The following PRELID2 variants were observed in gnomAD, a reference collection of about 807,000 sequenced individuals.
PRELID2 encodes the protein PRELI domain containing 2.
In PRELID2, 25 loss-of-function variants were observed where a neutral mutation model predicts 28.4. The observed-to-expected ratio is 0.88, with a 90% CI of 0.64 to 1.23. The LOEUF (loss-of-function observed/expected upper bound fraction) is 1.23. Among genes scored for constraint, PRELID2 ranks in the 50% most tolerant of loss-of-function variants. PRELID2 has a pLI of 0.00. For synonymous variants in PRELID2, 76 were observed against 71.6 expected, an observed-to-expected ratio of 1.06 and a Z score of -0.31; for missense variants, 201 against 214.4, an observed-to-expected ratio of 0.94 and a Z score of 0.39.
intron 5 of PRELID2, among the ~76,000 whole-genome samples, chr5:145,792,100 G>A (rs899864589): frequency 6.6e-6 from 1 of 151,882 alleles, no homozygotes; most frequent in South Asian, 2.1e-4. Context: ...GTATCACATC[G>A]CCTCACTCTG....
chr5:145,603,936 C>CTAGAA (rs1753455826), intron 1 of PRELID2, among the ~76,000 whole-genome samples: 4 of 151,622 alleles, frequency 2.6e-5, no homozygotes, highest in Non-Finnish European at 5.9e-5. Flanking sequence ...ATAGAATAGT[C>CTAGAA]AATCTAGAAA....
chr5:145,695,362 G>A (rs2149698558), intron 1 of PRELID2, among the ~76,000 whole-genome samples: 1 of 152,366 alleles, frequency 6.6e-6, no homozygotes, highest in East Asian at 1.9e-4. Flanking sequence ...AAGCCCTGAA[G>A]GAGGCCTGAA....
chr5:145,570,919 T>C (rs1401125631), intron 1 of PRELID2, among the ~76,000 whole-genome samples: 1 of 152,204 alleles, frequency 6.6e-6, no homozygotes, highest in East Asian at 1.9e-4. Flanking sequence ...GCTGGTCCAT[T>C]ACCACTCTTC....
chr5:145,549,503 G>T (rs116326400), intron 1 of PRELID2, among the ~76,000 whole-genome samples: 227 of 152,194 alleles, frequency 1.5e-3, no homozygotes, highest in African/African-American at 5.4e-3. Flanking sequence ...TACATGCCAG[G>T]TGCAGTGGCA....
At chr5:145,521,210 C>T (rs1018982987) in intron 1 of PRELID2, among the ~76,000 whole-genome samples, 7 of 152,074 alleles carry the variant, frequency 4.6e-5, no homozygotes, top group South Asian at 2.1e-4. Context: ...TTAAATGTTC[C>T]GACCATTTAT....
chr5:145,568,664 G>A (rs1752989563), intron 1 of PRELID2, among the ~76,000 whole-genome samples: 2 of 152,180 alleles, frequency 1.3e-5, no homozygotes, highest in African/African-American at 4.8e-5. Flanking sequence ...GTTTGCTATT[G>A]CACTTTTAGG....
chr5:145,561,264 A>C (rs1297281021), intron 1 of PRELID2, among the ~76,000 whole-genome samples: 3 of 152,172 alleles, frequency 2.0e-5, no homozygotes, highest in African/African-American at 7.2e-5. Context: ...CAATAAAATA[A>C]CTAAGGCGAA....
the PRELID2 span, among the ~76,000 whole-genome samples, chr5:145,449,406 T>C: frequency 6.6e-6 from 1 of 152,066 alleles, no homozygotes; most frequent in African/African-American, 2.4e-5. Context: ...CAGTGGCTGA[T>C]CTCTCCAACT....
chr5:145,627,327 TAC>T (rs1753863032), intron 1 of PRELID2, among the ~76,000 whole-genome samples: 1 of 151,846 alleles, frequency 6.6e-6, no homozygotes, highest in Non-Finnish European at 1.5e-5. Context: ...TACATACCTA[TAC>T]AGAGTGGAAT....
the PRELID2 span, among the ~76,000 whole-genome samples, chr5:145,259,647 C>A: frequency 1.3e-5 from 2 of 152,166 alleles, no homozygotes; most frequent in African/African-American, 4.8e-5. Context: ...CTACCCAGTG[C>A]CTGTTCCCCC....
At chr5:145,330,249 C>G in the PRELID2 span, among the ~76,000 whole-genome samples, 1 of 152,110 alleles carries the variant, frequency 6.6e-6, no homozygotes, top group African/African-American at 2.4e-5. Flanking sequence ...GTTGTTGTGT[C>G]TCTGCCAGGT....
intron 1 of PRELID2, among the ~76,000 whole-genome samples, chr5:145,532,388 A>T (rs540024047): frequency 3.1e-4 from 47 of 152,088 alleles, no homozygotes; most frequent in Non-Finnish European, 4.7e-4. Context: ...GTACAATGTG[A>T]TCCTTTAGTA....
chr5:145,683,800 G>A (rs1165866337), intron 1 of PRELID2, among the ~76,000 whole-genome samples: 1 of 152,168 alleles, frequency 6.6e-6, no homozygotes, highest in East Asian at 1.9e-4. Context: ...ATGGCATGGA[G>A]CTGACCAATC....
At chr5:145,654,683 T>C (rs1193677284) in intron 1 of PRELID2, among the ~76,000 whole-genome samples, 1 of 152,082 alleles carries the variant, frequency 6.6e-6, no homozygotes, top group Non-Finnish European at 1.5e-5. Flanking sequence ...AAAAGGCCTT[T>C]GACAAAATTC....
chr5:145,302,556 A>G, the PRELID2 span, among the ~76,000 whole-genome samples: 1 of 151,962 alleles, frequency 6.6e-6, no homozygotes, highest in Non-Finnish European at 1.5e-5. Flanking sequence ...GCCTTTCAAT[A>G]TAGATAGAGT....
intron 1 of PRELID2, among the ~76,000 whole-genome samples, chr5:145,617,371 G>A (rs572962016): frequency 4.9e-4 from 74 of 152,240 alleles, no homozygotes; most frequent in Non-Finnish European, 9.4e-4. Flanking sequence ...TTGCAGTAAA[G>A]ACAGGCGTAA....
At chr5:145,342,030 A>C in the PRELID2 span, among the ~76,000 whole-genome samples, 4 of 152,222 alleles carry the variant, frequency 2.6e-5, no homozygotes, top group African/African-American at 9.6e-5. Context: ...AGTCACCTAC[A>C]AAGGAAATTC....
At chr5:145,540,115 C>A (rs1246719863) in intron 1 of PRELID2, among the ~76,000 whole-genome samples, 2 of 151,928 alleles carry the variant, frequency 1.3e-5, no homozygotes, top group Non-Finnish European at 2.9e-5. Context: ...TGACTTGCAT[C>A]TCAACCCTAA....
intron 1 of PRELID2, among the ~76,000 whole-genome samples, chr5:145,667,360 A>G (rs910555499): frequency 2.0e-5 from 3 of 152,096 alleles, no homozygotes; most frequent in African/African-American, 4.8e-5. Context: ...ACACAGTTGT[A>G]TATTTTGATA....
Sources: allele counts gnomAD v4.1 joint callset (sites outside exome capture counted in the v4.1 genomes callset), GRCh38; gene constraint gnomAD v4.1.1; transcripts MANE v1.5; gene names NCBI Gene and HGNC (gene_info 2026-07-23, HGNC 2026-07-21).